Variants in ALDH4A1 observed in about 807,000 individuals in gnomAD.
ALDH4A1 encodes delta-1-pyrroline-5-carboxylate dehydrogenase, mitochondrial.
Under a neutral mutation model 70.5 loss-of-function variants are expected in ALDH4A1, and 46 were observed. The ratio of observed to expected loss-of-function variants is 0.65; its 90% CI spans 0.51 to 0.83. The LOEUF is 0.83. Ranked by LOEUF, ALDH4A1 falls within the 40% of genes least tolerant of loss-of-function variation. ALDH4A1 has a pLI of 0.00. For synonymous variants in ALDH4A1, 323 were observed against 324.3 expected (o/e 1.00, Z 0.04); for missense variants, 749 against 766.5 (o/e 0.98, Z 0.27).
intron 7 of ALDH4A1, among the ~76,000 whole-genome samples, chr1:18,882,890 G>A (rs1470147698): frequency 6.6e-6 from 1 of 152,214 alleles, no homozygotes; most frequent in Non-Finnish European, 1.5e-5. Flanking sequence ...TGAGGAAACT[G>A]TGCCTCAGAG....
Position 18,871,698 on chromosome 1 carries a change from G to A in ALDH4A1, c.*1147C>T, listed in dbSNP as rs1290417221. ...TGGGGTCCCATGCAGGCATCCTGGA[G>A]GAAGACCCAACACTTTCACAGTCCC... is the stretch of plus-strand genomic sequence containing the variant. On this transcript the variant is annotated 3_prime_UTR_variant, in exon 15 of 15. Coordinates refer to ENST00000375341, the MANE Select transcript of ALDH4A1 (RefSeq NM_003748.4). 1 of 152,344 alleles carries A rather than the reference G, an allele frequency of 6.6e-6. No individual in the cohort carries two copies. The highest frequency in any genetic ancestry group is 2.4e-5 in the African/African-American group (1 of 41,468). The allele number at this position is 152,344 out of a possible 1,614,324, so 9.4% of individuals were successfully genotyped here. A position where few individuals can be genotyped will look rare whatever the true frequency, so the allele number is the denominator to read the frequency against.
At chr1:18,881,933 C>A in intron 7 of ALDH4A1, 46 bp from the exon 8 acceptor site, 1 of 1,544,772 alleles carries the variant, frequency 6.5e-7, no homozygotes. Flanking sequence ...GCGCCACCAG[C>A]CCCCAACCCC....
chr1:18,873,170 T>C (rs1011316023), intron 14 of ALDH4A1, among the ~76,000 whole-genome samples: 2 of 152,056 alleles, frequency 1.3e-5, no homozygotes, highest in African/African-American at 4.8e-5. Context: ...TTCTCTCCAG[T>C]CGCACCCAGC....
rs764448668 is a variant in ALDH4A1 at position 18,890,045 on chromosome 1, C to A, written c.123G>T (p.Thr41=). 3.7e-6 allele frequency: 6 copies of A among 1,612,730 alleles called. No individual in the cohort carries two copies. The highest frequency in any genetic ancestry group is 5.1e-6 in the Non-Finnish European group (6 of 1,179,594). ...KVANEPVLAF[T]QGSPERDALQ... ...GGGCATCTCGCTCAGGGCTGCCCTG[C>A]GTGAAGGCTAAGACGGGCTCGTTGG... is the stretch of plus-strand genomic sequence containing the variant. The change falls in exon 2 of 15, where the codon ACG becomes ACT. Residue 41 remains threonine, a synonymous_variant. Transcript: ENST00000375341.
intron 3 of ALDH4A1, among the ~76,000 whole-genome samples, chr1:18,887,935 G>A (rs1315316868): frequency 2.0e-5 from 3 of 152,172 alleles, no homozygotes; most frequent in African/African-American, 4.8e-5. Context: ...AGTGGTGAAC[G>A]CTAGCATGAC....
Position 18,878,798 on chromosome 1 carries a change from C to A in ALDH4A1, c.940+502G>T, listed in dbSNP as rs116258948. On this transcript the variant is annotated intron_variant, in intron 9 of 14. Coordinates refer to ENST00000375341, the MANE Select transcript of ALDH4A1 (RefSeq NM_003748.4). ...AATTTCCTTGACCATGAAACTGTTT[C>A]TTTGTGGGAAAACTTTAATATGCCA... Among the ~76,000 whole-genome samples, 389 of 152,284 alleles carry A rather than the reference C, an allele frequency of 2.6e-3. 1 individual carries two copies. The highest frequency in any genetic ancestry group is 9.1e-3 in the African/African-American group (376 of 41,534).
intron 9 of ALDH4A1, among the ~76,000 whole-genome samples, chr1:18,878,163 AGCT>A (rs142325508): frequency 0.018 from 2,769 of 152,260 alleles, 77 homozygotes; most frequent in African/African-American, 0.063. Flanking sequence ...GGGAAGCAGC[AGCT>A]AACAGCAGCT....
chr1:18,885,651 G>A (rs1935171686), intron 4 of ALDH4A1, 23 bp from the exon 5 acceptor site: 2 of 1,613,620 alleles, frequency 1.2e-6, no homozygotes, highest in Non-Finnish European at 1.7e-6. Flanking sequence ...GGAGAGGTTG[G>A]GGACTGCCAC....
chr1:18,886,822 C>T (rs780313531), intron 3 of ALDH4A1, among the ~76,000 whole-genome samples: 4 of 152,158 alleles, frequency 2.6e-5, no homozygotes, highest in South Asian at 2.1e-4. Context: ...GACATGGGTT[C>T]GAATCCTGGC....
intron 11 of ALDH4A1, among the ~76,000 whole-genome samples, chr1:18,877,002 G>C (rs1054909170): frequency 1.3e-5 from 2 of 152,200 alleles, no homozygotes; most frequent in African/African-American, 2.4e-5. Flanking sequence ...CTGGTTCCAG[G>C]GTGGCCGCAA....
In ALDH4A1 at chr1:18,902,552, G is replaced by A. The variant is rs1178966733; in HGVS notation, c.-29C>T. ...GGGTTAGAAGCGGGGCTGTTCGCTG[G>A]ATCGTCCGCCCGGGCGCGGCGAGAA... On this transcript the variant is annotated 5_prime_UTR_variant, in exon 1 of 15. Coordinates refer to ENST00000375341, the MANE Select transcript of ALDH4A1 (RefSeq NM_003748.4). 3 of 1,472,920 alleles carry A rather than the reference G, an allele frequency of 2.0e-6. No individual in the cohort carries two copies. Among genetic ancestry groups the A allele is most frequent in the Admixed American group, 4.4e-5 (2 of 45,324 alleles). 91.2% of individuals were successfully genotyped at this position (1,472,920 alleles called of 1,614,324 possible).
At chr1:18,875,247 T>G in intron 13 of ALDH4A1, 135 bp downstream of exon 13, 1 of 1,444,206 alleles carries the variant, frequency 6.9e-7, no homozygotes, top group South Asian at 1.1e-5. Context: ...CCTGGCTGCC[T>G]GTCTGGGCTG....
intron 10 of ALDH4A1, 77 bp from the exon 11 acceptor site, chr1:18,877,332 A>G (rs1302391568): frequency 6.4e-7 from 1 of 1,555,910 alleles, no homozygotes; most frequent in African/African-American, 1.4e-5. Flanking sequence ...CGCACACCCC[A>G]GCCCCGGCTG....
rs1470102169 is a variant in ALDH4A1 at position 18,881,983 on chromosome 1, G to A, written c.679-96C>T. On this transcript the variant is annotated intron_variant, in intron 7 of 14. Transcript: ENST00000375341. ...CTACAGCATGGTTGTCCCTCACCTG[G>A]AACCACCAGACTCTGTGCCAACCAG... is the stretch of plus-strand genomic sequence containing the variant. 3.2e-6 allele frequency: 4 copies of A among 1,241,298 alleles called. No homozygotes were observed. The Admixed American group carries it at 5.9e-5, about 18-fold the overall frequency. The allele number at this position is 1,241,298 out of a possible 1,614,324, so 76.9% of individuals were successfully genotyped here. A position where few individuals can be genotyped will look rare whatever the true frequency, so the allele number is the denominator to read the frequency against.
At chr1:18,882,639 G>A (rs770965318) in intron 7 of ALDH4A1, 3 of 539,704 alleles carry the variant, frequency 5.6e-6, no homozygotes. Flanking sequence ...TTTGTCATCT[G>A]GCAAAGAGGC....
intron 13 of ALDH4A1, among the ~76,000 whole-genome samples, chr1:18,875,064 G>T (rs1221134499): frequency 6.6e-6 from 1 of 152,246 alleles, no homozygotes; most frequent in African/African-American, 2.4e-5. Context: ...TGTAGCATGG[G>T]ACAATCACCT....
At chr1:18,876,823 G>A (rs890855143) in intron 11 of ALDH4A1, among the ~76,000 whole-genome samples, 1 of 152,176 alleles carries the variant, frequency 6.6e-6, no homozygotes, top group African/African-American at 2.4e-5. Flanking sequence ...ATGTACATGC[G>A]TGTGGGTGGA....
chr1:18,885,427 T>TACCAACCCCCCC, intron 5 of ALDH4A1, 46 bp downstream of exon 5: 1 of 650,922 alleles, frequency 1.5e-6, no homozygotes. Context: ...CACACCTGAC[T>TACCAACCCCCCC]CCCACCCCAC....
intron 1 of ALDH4A1, among the ~76,000 whole-genome samples, chr1:18,902,175 C>G (rs1001847267): frequency 3.3e-5 from 5 of 152,018 alleles, no homozygotes; most frequent in Non-Finnish European, 7.4e-5. Context: ...ACTTTCCGAG[C>G]GTGGGAACCG....
Sources: allele counts gnomAD v4.1 joint callset (sites outside exome capture counted in the v4.1 genomes callset), GRCh38; gene constraint gnomAD v4.1.1; transcripts MANE v1.5; gene names NCBI Gene and HGNC (gene_info 2026-07-23, HGNC 2026-07-21).